Variants in SCN7A observed in about 807,000 individuals in gnomAD.
SCN7A encodes the protein sodium voltage-gated channel alpha subunit 7.
Under a neutral mutation model 155.2 loss-of-function variants are expected in SCN7A, and 138 were observed. That is an observed-to-expected ratio of 0.89 (90% CI 0.77 to 1.02). The LOEUF (loss-of-function observed/expected upper bound fraction) is 1.02. Among genes scored for constraint, SCN7A ranks in the 50% least tolerant of loss-of-function variants. The pLI, the probability that SCN7A is intolerant of heterozygous loss-of-function variation, is 0.00. For synonymous variants in SCN7A, 693 were observed against 649.0 expected (o/e 1.07, Z -1.03); for missense variants, 2,058 against 1,986.6 (o/e 1.04, Z -0.68).
At chr2:166,431,790 G>A (rs1257492578) in intron 16 of SCN7A, among the ~76,000 whole-genome samples, 1 of 151,928 alleles carries the variant, frequency 6.6e-6, no homozygotes, top group African/African-American at 2.4e-5. Context: ...TAATTATAAT[G>A]TCCAAATATG....
rs375208870 is a variant in SCN7A, at chr2:166,439,055, G to GTGTGTATATATATATATATATATA, written c.2157+2340_2157+2341insTATATATATATATATATATACACA. ...CACATACATATATGTGTGTGTGTGT[G>GTGTGTATATATATATATATATATA]TATATATATATATATATATATATAG... On this transcript the variant is annotated intron_variant, in intron 15 of 25. Coordinates refer to ENST00000643258, the MANE Select transcript of SCN7A (RefSeq NM_002976.4). 2.7e-3 allele frequency among the ~76,000 whole-genome samples: 307 copies of GTGTGTATATATATATATATATATA among 113,282 alleles called. 2 individuals carry two copies. Among genetic ancestry groups the GTGTGTATATATATATATATATATA allele is most frequent in the Non-Finnish European group, 3.7e-3 (212 of 58,060 alleles). 74.3% of individuals were successfully genotyped at this position (113,282 alleles called of 152,430 possible). A position where few individuals can be genotyped will look rare whatever the true frequency, so the allele number is the denominator to read the frequency against.
At chr2:166,453,770 T>A (rs2105458298) in intron 11 of SCN7A, among the ~76,000 whole-genome samples, 2 of 152,218 alleles carry the variant, frequency 1.3e-5, no homozygotes, top group South Asian at 4.1e-4. Context: ...CTAAGCAATA[T>A]CCCGGCAATT....
rs1264870313 is a variant in SCN7A, at chr2:166,414,147, A to ATAAATATATATAATATATTATATATATG, written c.3415-1054_3415-1027dup. On this transcript the variant is annotated intron_variant, in intron 21 of 25. Coordinates refer to ENST00000643258, the MANE Select transcript of SCN7A (RefSeq NM_002976.4). ...ATATATTATATATATGTAAATATAT[A>ATAAATATATATAATATATTATATATATG]TAAATATATATAATATATTATATAT... Among the ~76,000 whole-genome samples the ATAAATATATATAATATATTATATATATG allele has an allele frequency of 4.1e-3, 279 of 68,626 alleles. 4 individuals carry two copies. Among genetic ancestry groups the ATAAATATATATAATATATTATATATATG allele is most frequent in the Middle Eastern group, 7.6e-3 (1 of 132 alleles). 45.0% of individuals were successfully genotyped at this position (68,626 alleles called of 152,430 possible). A position where few individuals can be genotyped will look rare whatever the true frequency, so the allele number is the denominator to read the frequency against.
intron 20 of SCN7A, among the ~76,000 whole-genome samples, chr2:166,419,614 G>T (rs1454686996): frequency 1.3e-5 from 2 of 151,954 alleles, no homozygotes; most frequent in African/African-American, 4.8e-5. Context: ...CAATCTGCTG[G>T]CCTCGGTCTC....
Position 166,405,921 on chromosome 2 carries a change from C to T in SCN7A, c.4708G>A (p.Asp1570Asn). The T allele has an allele frequency of 6.2e-7, 1 of 1,613,082 alleles. No homozygotes were observed. ...IALDLPMAVG[D>N]RIHCLDILLA... Reference sequence around the variant, plus strand: ...AAGATATCGAGGCAATGAATTCTGTCCCCAACAGCCATGGGGAGGTCCAAA... The same window carrying T: ...AAGATATCGAGGCAATGAATTCTGTTCCCAACAGCCATGGGGAGGTCCAAA... Residue 1570 changes from aspartate to asparagine, a missense_variant, in exon 26 of 26, where the codon GAC becomes AAC. Transcript: ENST00000643258.
chr2:166,481,062 T>C (rs1224163729), intron 2 of SCN7A, among the ~76,000 whole-genome samples: 2 of 152,178 alleles, frequency 1.3e-5, no homozygotes, highest in Non-Finnish European at 2.9e-5. Flanking sequence ...GGATACGACA[T>C]ATCCAAGTTA....
At chr2:166,456,264 T>C (rs1187268251) in intron 11 of SCN7A, among the ~76,000 whole-genome samples, 1 of 152,006 alleles carries the variant, frequency 6.6e-6, no homozygotes. Context: ...AGATGACAGG[T>C]TGATGGGTGT....
At chr2:166,468,379 T>G (rs2105491537) in intron 7 of SCN7A, among the ~76,000 whole-genome samples, 1 of 152,198 alleles carries the variant, frequency 6.6e-6, no homozygotes, top group South Asian at 2.1e-4. Context: ...TTGCTGTTCA[T>G]AAATGTAGGT....
chr2:166,454,787 T>C (rs1702241945), intron 11 of SCN7A, among the ~76,000 whole-genome samples: 1 of 152,186 alleles, frequency 6.6e-6, no homozygotes, highest in Non-Finnish European at 1.5e-5. Flanking sequence ...GAAAGCTACT[T>C]CTGTTTGCTT....
intron 1 of SCN7A, among the ~76,000 whole-genome samples, chr2:166,487,487 T>G (rs937038763): frequency 3.3e-5 from 5 of 152,184 alleles, no homozygotes; most frequent in Non-Finnish European, 7.3e-5. Flanking sequence ...ACTCAAGCTG[T>G]GGAGAGAGAT....
chr2:166,405,794 G>C lies in SCN7A; in HGVS notation c.4835C>G (p.Thr1612Arg). The change falls in exon 26 of 26, where the codon ACA becomes AGA. Residue 1612 changes from threonine (T) to arginine (R), a missense_variant. Transcript: ENST00000643258. The part of the protein sequence containing the change: ...GFLLANPFKI[T>R]CEPITTTLKR... ...CAAAGTAGTCGTAATTGGCTCACAT[G>C]TGATCTTAAAAGGGTTGGCTAACAA... The C allele has an allele frequency of 1.2e-6, 2 of 1,613,080 alleles. No homozygotes were observed. The highest frequency in any genetic ancestry group is 1.7e-6 in the Non-Finnish European group (2 of 1,179,386).
chr2:166,454,972 T>G (rs2105460800), intron 11 of SCN7A, among the ~76,000 whole-genome samples: 1 of 152,280 alleles, frequency 6.6e-6, no homozygotes, highest in East Asian at 1.9e-4. Flanking sequence ...CTAAGGTAAT[T>G]GACAATTACA....
At chr2:166,429,543 C>G (rs963737358) in intron 16 of SCN7A, among the ~76,000 whole-genome samples, 1 of 152,054 alleles carries the variant, frequency 6.6e-6, no homozygotes, top group African/African-American at 2.4e-5. Flanking sequence ...CACTTTGCTT[C>G]TTAAAGATGT....
At chr2:166,443,297 G>C (rs559076712) in intron 14 of SCN7A, among the ~76,000 whole-genome samples, 1 of 152,168 alleles carries the variant, frequency 6.6e-6, no homozygotes, top group East Asian at 1.9e-4. Flanking sequence ...TGCCTATATG[G>C]CATTATTTCT....
rs569768454 is a variant in SCN7A, at chr2:166,413,042, T to C, written c.3468+26A>G. On this transcript the variant is annotated intron_variant, in intron 22 of 25. Coordinates refer to ENST00000643258, the MANE Select transcript of SCN7A (RefSeq NM_002976.4). ...AATGACTTTGCTTGTATCCTAACAA[T>C]GGCTTTAAAATGATATTATACTTAC... The C allele has an allele frequency of 1.8e-5, 26 of 1,478,126 alleles. No homozygotes were observed. In the African/African-American group the frequency reaches 2.8e-4, roughly 16 times the overall value. The allele number at this position is 1,478,126 out of a possible 1,614,324, so 91.6% of individuals were successfully genotyped here.
intron 21 of SCN7A, among the ~76,000 whole-genome samples, chr2:166,414,098 ATATATTATATATAAAT>A (rs1228295549): frequency 2.6e-4 from 18 of 68,202 alleles, no homozygotes; most frequent in African/African-American, 1.2e-3. Flanking sequence ...AATATATATA[ATATATTATATATAAAT>A]ATATATAATA....
chr2:166,420,568 C>T (rs1472477516), intron 20 of SCN7A, among the ~76,000 whole-genome samples: 1 of 151,934 alleles, frequency 6.6e-6, no homozygotes, highest in Non-Finnish European at 1.5e-5. Context: ...ATTTCAGGTA[C>T]AAAAGATTGA....
chr2:166,451,121 C>T (rs1358207602), intron 11 of SCN7A, among the ~76,000 whole-genome samples: 3 of 152,076 alleles, frequency 2.0e-5, no homozygotes, highest in Non-Finnish European at 4.4e-5. Context: ...CATTAAGAAG[C>T]AATTCAGTAA....
Position 166,413,061 on chromosome 2 carries a change from T to C in SCN7A, c.3468+7A>G, listed in dbSNP as rs372122344. ...TAACAATGGCTTTAAAATGATATTA[T>C]ACTTACAGCAACAGAATCAATTGCT... is the stretch of plus-strand genomic sequence containing the variant. On this transcript the variant is annotated splice_region_variant and intron_variant, in intron 22 of 25. Coordinates refer to ENST00000643258, the MANE Select transcript of SCN7A (RefSeq NM_002976.4). The C allele has an allele frequency of 6.6e-6, 10 of 1,526,546 alleles. No homozygotes were observed. Among genetic ancestry groups the C allele is most frequent in the Middle Eastern group, 1.7e-4 (1 of 5,928 alleles). The allele number at this position is 1,526,546 out of a possible 1,614,324, so 94.6% of individuals were successfully genotyped here.
Sources: gnomAD v4.1 joint callset for allele counts (sites outside exome capture counted in the v4.1 genomes callset) on GRCh38, gnomAD v4.1.1 for gene constraint, MANE v1.5 for transcripts, NCBI Gene and HGNC (gene_info 2026-07-23, HGNC 2026-07-21) for gene names.